The following GPM6A variants were observed in gnomAD, a reference collection of about 807,000 sequenced individuals.
GPM6A encodes neuronal membrane glycoprotein M6-a.
Under a neutral mutation model 32.1 loss-of-function variants are expected in GPM6A, and 7 were observed. The observed-to-expected ratio is 0.22, with a 90% confidence interval of 0.12 to 0.41. GPM6A has a LOEUF of 0.41. GPM6A is among the 10% of genes least tolerant of loss of function. The pLI is 1.00. For missense variants in GPM6A, 235 were observed against 347.2 expected (o/e 0.68, Z 2.57); for synonymous variants, 130 against 123.4 (o/e 1.05, Z -0.35).
chr4:176,002,180 C>A lies in GPM6A; in HGVS notation c.-23+129G>T, dbSNP rs1158172053. The A allele has an allele frequency of 2.8e-6, 3 of 1,058,708 alleles. No individual in the cohort carries two copies. The Admixed American group carries it at 5.9e-5, about 21-fold the overall frequency. The allele number at this position is 1,058,708 out of a possible 1,614,324, so 65.6% of individuals were successfully genotyped here. A position where few individuals can be genotyped will look rare whatever the true frequency, so the allele number is the denominator to read the frequency against. The stretch of plus-strand genomic sequence containing the variant: ...ACAAGAGGGCGGGGGGCGGGGGACG[C>A]CAGGCGCGGGGGGAACAGAGCTGGG... On this transcript the variant is annotated intron_variant, in intron 1 of 7. Coordinates refer to the GPM6A transcript ENST00000280187.
chr4:175,825,737 A>T (rs1006521497), intron 1 of GPM6A, among the ~76,000 whole-genome samples: 3 of 152,218 alleles, frequency 2.0e-5, no homozygotes, highest in African/African-American at 7.2e-5. Flanking sequence ...AGGAAAGAAG[A>T]CAATGAGCTT....
intron 1 of GPM6A, among the ~76,000 whole-genome samples, chr4:175,820,630 A>T (rs946216121): frequency 4.7e-5 from 7 of 149,398 alleles, no homozygotes; most frequent in African/African-American, 1.7e-4. Flanking sequence ...CCTCCCAAGT[A>T]CTGGGATTAC....
At chr4:175,842,613 G>C (rs568411623) in intron 1 of GPM6A, among the ~76,000 whole-genome samples, 1 of 152,188 alleles carries the variant, frequency 6.6e-6, no homozygotes, top group East Asian at 1.9e-4. Context: ...CACCCTGAAG[G>C]CTGAGCCTAG....
At chr4:175,990,756 T>A (rs138603398) in intron 1 of GPM6A, among the ~76,000 whole-genome samples, 2,514 of 152,268 alleles carry the variant, frequency 0.017, 54 homozygotes, top group African/African-American at 0.056. Context: ...TTGGAATTTT[T>A]AAATATTTGA....
intron 1 of GPM6A, among the ~76,000 whole-genome samples, chr4:175,920,807 C>G (rs1738641412): frequency 6.6e-6 from 1 of 151,064 alleles, no homozygotes; most frequent in Non-Finnish European, 1.5e-5. Context: ...TGCCACTGCA[C>G]TCCAGCCTGG....
chr4:175,737,022 A>G lies in GPM6A; in HGVS notation c.38-35255T>C, dbSNP rs542399511. On this transcript the variant is annotated intron_variant, in intron 1 of 6. Coordinates refer to ENST00000393658, the MANE Select transcript of GPM6A (RefSeq NM_201591.3). ...TAACACTTGGCAATGATAATAAATG[A>G]CTATGTTACTGGTTTATGTATTGAC... 1.2e-4 allele frequency among the ~76,000 whole-genome samples: 19 copies of G among 152,348 alleles called. No homozygotes were observed. The South Asian group carries it at 3.9e-3, about 32-fold the overall frequency.
intron 1 of GPM6A, among the ~76,000 whole-genome samples, chr4:175,840,759 A>G (rs1316136593): frequency 1.3e-5 from 2 of 152,196 alleles, no homozygotes; most frequent in African/African-American, 4.8e-5. Flanking sequence ...AAAAGTGTTA[A>G]TGATAATTCA....
At chr4:175,835,556 C>T (rs1299102920) in intron 1 of GPM6A, among the ~76,000 whole-genome samples, 1 of 150,226 alleles carries the variant, frequency 6.7e-6, no homozygotes, top group African/African-American at 2.4e-5. Flanking sequence ...CAAGAAGCGC[C>T]AATATTGACT....
chr4:175,959,651 G>C (rs940154387), intron 1 of GPM6A, among the ~76,000 whole-genome samples: 3 of 152,080 alleles, frequency 2.0e-5, no homozygotes, highest in Non-Finnish European at 2.9e-5. Context: ...TGACAAAAGA[G>C]TCAATTATTG....
intron 1 of GPM6A, among the ~76,000 whole-genome samples, chr4:176,000,459 CA>C (rs1741442852): frequency 6.6e-6 from 1 of 152,238 alleles, no homozygotes; most frequent in Non-Finnish European, 1.5e-5. Context: ...AAATCCAGGA[CA>C]AATTGTTTTC....
chr4:175,814,814 T>G (rs573204551), upstream of GPM6A, among the ~76,000 whole-genome samples: 1 of 152,152 alleles, frequency 6.6e-6, no homozygotes, highest in African/African-American at 2.4e-5. Context: ...GGGTAAAATA[T>G]AAAAGAAAAA....
chr4:175,878,544 A>G (rs956459176), intron 1 of GPM6A, among the ~76,000 whole-genome samples: 2 of 152,148 alleles, frequency 1.3e-5, no homozygotes, highest in African/African-American at 2.4e-5. Context: ...CCTGAGTGGT[A>G]TCTTGGCCTC....
intron 1 of GPM6A, among the ~76,000 whole-genome samples, chr4:175,861,650 C>T (rs1736576175): frequency 6.8e-6 from 1 of 147,860 alleles, no homozygotes; most frequent in African/African-American, 2.5e-5. Flanking sequence ...ACTGGGGAGG[C>T]TGAGGCATGA....
At chr4:175,898,025 C>A (rs149752727) in intron 1 of GPM6A, among the ~76,000 whole-genome samples, 9 of 152,166 alleles carry the variant, frequency 5.9e-5, no homozygotes, top group Admixed American at 5.9e-4. Context: ...GATAACAATA[C>A]CTTAAATCAG....
At chr4:175,798,649 A>G (rs1472890564) in intron 1 of GPM6A, 1 of 152,100 alleles carries the variant, frequency 6.6e-6, no homozygotes, top group Non-Finnish European at 1.5e-5. Context: ...GCGGAAGGAG[A>G]GGCAACATAA....
In GPM6A at chr4:175,715,789, G is replaced by A. The variant is rs74485129; in HGVS notation, c.38-14022C>T. Among the ~76,000 whole-genome samples, 334 of 151,172 alleles carry A rather than the reference G, an allele frequency of 2.2e-3. 1 individual carries two copies. Among genetic ancestry groups the A allele is most frequent in the African/African-American group, 7.7e-3 (316 of 41,128 alleles). ...GGTCAAGAATTTGTATTTTCTGTCCGGGCATGGTGGCTCATACTGTAATCC... is the reference window on the plus strand; with the variant it reads ...GGTCAAGAATTTGTATTTTCTGTCCAGGCATGGTGGCTCATACTGTAATCC... On this transcript the variant is annotated intron_variant, in intron 1 of 6. Coordinates refer to ENST00000393658, the MANE Select transcript of GPM6A (RefSeq NM_201591.3).
chr4:175,943,177 C>G (rs1739471263), intron 1 of GPM6A, among the ~76,000 whole-genome samples: 1 of 152,132 alleles, frequency 6.6e-6, no homozygotes, highest in African/African-American at 2.4e-5. Flanking sequence ...ATTTGGCTCT[C>G]TGTTTGTCTG....
intron 1 of GPM6A, among the ~76,000 whole-genome samples, chr4:175,901,683 G>A (rs1333853089): frequency 7.0e-6 from 1 of 142,124 alleles, no homozygotes; most frequent in Admixed American, 7.3e-5. Context: ...TGTCTCCCAG[G>A]CTGGAGTGCA....
intron 1 of GPM6A, among the ~76,000 whole-genome samples, chr4:175,754,360 C>CATGAAATAATACTTAGTG (rs1732449975): frequency 6.6e-6 from 1 of 152,074 alleles, no homozygotes; most frequent in Non-Finnish European, 1.5e-5. Flanking sequence ...ATGTTTAACA[C>CATGAAATAATACTTAGTG]ATGAAAAGTA....
Sources: gnomAD v4.1 joint callset for allele counts (sites outside exome capture counted in the v4.1 genomes callset) on GRCh38, gnomAD v4.1.1 for gene constraint, MANE v1.5 for transcripts, NCBI Gene and HGNC (gene_info 2026-07-23, HGNC 2026-07-21) for gene names.